INPP5F: variants seen among roughly 807,000 people sequenced by gnomAD.
INPP5F encodes inositol polyphosphate-5-phosphatase F.
A neutral mutation model predicts 137.2 loss-of-function variants in INPP5F; 97 were observed. The ratio of observed to expected loss-of-function variants is 0.71; its 90% CI spans 0.60 to 0.84. INPP5F has a LOEUF of 0.84. Among genes scored for constraint, INPP5F ranks in the 40% least tolerant of loss-of-function variants. INPP5F has a pLI of 0.00. For missense variants in INPP5F, 1,271 were observed against 1,371.9 expected, an observed-to-expected ratio of 0.93 and a Z score of 1.16; for synonymous variants, 504 against 476.9, an observed-to-expected ratio of 1.06 and a Z score of -0.74.
chr10:119,791,420 T>C (rs1348431809), intron 3 of INPP5F, 97 bp from the exon 4 acceptor site: 7 of 918,624 alleles, frequency 7.6e-6, no homozygotes, highest in Non-Finnish European at 8.4e-6. Context: ...AAGTTTACTG[T>C]TAATCAGAAT....
intron 1 of INPP5F, among the ~76,000 whole-genome samples, chr10:119,749,213 A>C (rs1046398319): frequency 6.6e-6 from 1 of 152,078 alleles, no homozygotes; most frequent in Non-Finnish European, 1.5e-5. Context: ...AGAGTACAGG[A>C]ATGCCCAGGT....
Position 119,823,813 on chromosome 10 carries a change from A to T in INPP5F, c.2162-2A>T. Reference sequence around the variant, plus strand: ...TGGCAGGCAGTTATATTTGGGTTGCAGATACCCTTCAGTGCATTGCAGAGA... The same window carrying T: ...TGGCAGGCAGTTATATTTGGGTTGCTGATACCCTTCAGTGCATTGCAGAGA... On this transcript the variant is annotated splice_acceptor_variant, in intron 18 of 19. Transcript: ENST00000650623. LOFTEE classifies it high-confidence loss of function. 1 of 1,612,334 alleles carries T rather than the reference A, an allele frequency of 6.2e-7. No homozygotes were observed. Among genetic ancestry groups the T allele is most frequent in the Non-Finnish European group, 8.5e-7 (1 of 1,178,954 alleles).
chr10:119,761,620 CAG>C (rs894790236), intron 2 of INPP5F, among the ~76,000 whole-genome samples: 66 of 145,930 alleles, frequency 4.5e-4, no homozygotes, highest in African/African-American at 1.7e-3. Context: ...AAATGTAAAA[CAG>C]AAAAATTCAC....
chr10:119,759,309 A>C (rs1286525589), intron 2 of INPP5F, among the ~76,000 whole-genome samples: 1 of 151,850 alleles, frequency 6.6e-6, no homozygotes, highest in Non-Finnish European at 1.5e-5. Context: ...AGGCATGAGC[A>C]CTGTGCCCAG....
rs1456807452 is a variant in INPP5F at position 119,827,017 on chromosome 10, TAG to T, written c.2641_2642del (p.Ser881CysfsTer10). The T allele has an allele frequency of 3.7e-6, 6 of 1,614,020 alleles. No homozygotes were observed. Among genetic ancestry groups the T allele is most frequent in the African/African-American group, 1.3e-5 (1 of 74,916 alleles). The stretch of plus-strand genomic sequence containing the variant: ...GAAGACAGGCAGCTAGCTAACTCAT[TAG>T]AGAGTGTAGGGCCAATAGATTACGT... On this transcript the variant is annotated frameshift_variant, in exon 20 of 20. Transcript: ENST00000650623. LOFTEE classifies it high-confidence loss of function.
intron 1 of INPP5F, among the ~76,000 whole-genome samples, chr10:119,736,842 A>AT (rs1848228221): frequency 6.6e-6 from 1 of 152,116 alleles, no homozygotes; most frequent in African/African-American, 2.4e-5. Context: ...GAAATTTTTA[A>AT]TTTTTTTAGA....
chr10:119,753,146 T>C (rs954622696), intron 2 of INPP5F, among the ~76,000 whole-genome samples: 13 of 152,356 alleles, frequency 8.5e-5, no homozygotes, highest in Admixed American at 5.2e-4. Flanking sequence ...TTCATTTACA[T>C]GCTGACAGGA....
rs1851050218 is a variant in INPP5F, at chr10:119,811,899, A to G, written c.1830A>G (p.Leu610=). 6.2e-7 allele frequency: 1 copy of G among 1,614,206 alleles called. No homozygotes were observed. The highest frequency in any genetic ancestry group is 8.5e-7 in the Non-Finnish European group (1 of 1,180,004). The change falls in exon 15 of 20, where the codon CTA becomes CTG. Residue 610 remains leucine, a synonymous_variant. Coordinates refer to ENST00000650623, the MANE Select transcript of INPP5F (RefSeq NM_014937.4). ...SQLLQSYMKL[L]LPDDEKFHGG... ...TCTTACAAAGTTACATGAAGTTACTACTGCCTGATGATGAGAAGTTCCATG... is the reference window on the plus strand; with the variant it reads ...TCTTACAAAGTTACATGAAGTTACTGCTGCCTGATGATGAGAAGTTCCATG...
intron 2 of INPP5F, among the ~76,000 whole-genome samples, chr10:119,753,293 A>C (rs2134128092): frequency 6.6e-6 from 1 of 152,216 alleles, no homozygotes; most frequent in East Asian, 1.9e-4. Context: ...CAGTTAGGAG[A>C]CCTGAAGACA....
At chr10:119,805,137 G>A (rs1850723408) in intron 10 of INPP5F, among the ~76,000 whole-genome samples, 1 of 152,126 alleles carries the variant, frequency 6.6e-6, no homozygotes, top group East Asian at 1.9e-4. Context: ...GAAATTTGGT[G>A]GGGAAAGAAG....
chr10:119,746,406 G>GGT (rs1419626766), intron 1 of INPP5F, among the ~76,000 whole-genome samples: 1 of 152,168 alleles, frequency 6.6e-6, no homozygotes, highest in Non-Finnish European at 1.5e-5. Context: ...AGGTCAAGGT[G>GGT]GTAGGGTTCT....
intron 2 of INPP5F, among the ~76,000 whole-genome samples, chr10:119,775,690 A>G (rs1438698121): frequency 6.6e-6 from 1 of 152,174 alleles, no homozygotes; most frequent in Admixed American, 6.5e-5. Flanking sequence ...TGAACATCAT[A>G]GAAGACTGAG....
rs1288518751 is a variant in INPP5F at position 119,726,168 on chromosome 10, C to T, written c.-95C>T. 1.1e-5 allele frequency: 8 copies of T among 719,530 alleles called. No homozygotes were observed. Among genetic ancestry groups the T allele is most frequent in the Non-Finnish European group, 1.4e-5 (7 of 508,552 alleles). The allele number at this position is 719,530 out of a possible 1,614,324, so 44.6% of individuals were successfully genotyped here. On this transcript the variant is annotated 5_prime_UTR_variant, in exon 1 of 20. Transcript: ENST00000650623. ...CTTCTCGGCGCGGTTCCTACCCGGC[C>T]GCTCCCCGAGGCGCGGGCTCTGGCG...
At chr10:119,796,035 C>A (rs1368974543) in intron 6 of INPP5F, among the ~76,000 whole-genome samples, 1 of 141,798 alleles carries the variant, frequency 7.1e-6, no homozygotes. Flanking sequence ...GCAGTACCGT[C>A]CAGCTTCGGC....
In INPP5F at chr10:119,809,989, T is replaced by C. The variant is rs547205726; in HGVS notation, c.1570-111T>C. On this transcript the variant is annotated intron_variant, in intron 13 of 19. Coordinates refer to ENST00000650623, the MANE Select transcript of INPP5F (RefSeq NM_014937.4). ...TTTGAAAATTATAGAAGTCAGACCT[T>C]GGAAATTATAAAAGCCTGTAGAATT... 8 of 685,184 alleles carry C rather than the reference T, an allele frequency of 1.2e-5. No individual in the cohort carries two copies. The African/African-American group carries it at 1.3e-4, about 11-fold the overall frequency. The allele number at this position is 685,184 out of a possible 1,614,324, so 42.4% of individuals were successfully genotyped here. A position where few individuals can be genotyped will look rare whatever the true frequency, so the allele number is the denominator to read the frequency against.
Position 119,792,087 on chromosome 10 carries a change from G to A in INPP5F, c.612+51G>A, listed in dbSNP as rs144588358. On this transcript the variant is annotated intron_variant, in intron 5 of 19. Transcript: ENST00000650623. Reference sequence around the variant, plus strand: ...GGTTTGCACTTGGGAAGAAGTGATGGCCTGTTTTGGCTTTTGTAGGAAAAC... The same window carrying A: ...GGTTTGCACTTGGGAAGAAGTGATGACCTGTTTTGGCTTTTGTAGGAAAAC... 329 of 1,614,128 alleles carry A rather than the reference G, an allele frequency of 2.0e-4. No individual in the cohort carries two copies. The African/African-American group carries it at 4.2e-3, about 20-fold the overall frequency.
rs545151085 is a variant in INPP5F, at chr10:119,798,630, A to G, written c.1116+20A>G. On this transcript the variant is annotated intron_variant, in intron 9 of 19. Transcript: ENST00000650623. ...AAACAGGTGGGCTTTGATTTACAGT[A>G]GTAAAATGTTCCTTCATCTTTAGAA... 2 of 1,532,988 alleles carry G rather than the reference A, an allele frequency of 1.3e-6. No individual in the cohort carries two copies. Among genetic ancestry groups the G allele is most frequent in the South Asian group, 1.1e-5 (1 of 87,940 alleles). The allele number at this position is 1,532,988 out of a possible 1,614,324, so 95.0% of individuals were successfully genotyped here. A position where few individuals can be genotyped will look rare whatever the true frequency, so the allele number is the denominator to read the frequency against.
At chr10:119,816,374 T>A (rs1230006391) in intron 15 of INPP5F, 1 of 152,276 alleles carries the variant, frequency 6.6e-6, no homozygotes, top group Non-Finnish European at 1.5e-5. Context: ...ATGTGCTGTT[T>A]GAGTTTTCAA....
At chr10:119,747,256 C>T (rs1848562109) in intron 1 of INPP5F, among the ~76,000 whole-genome samples, 2 of 151,484 alleles carry the variant, frequency 1.3e-5, no homozygotes, top group African/African-American at 4.9e-5. Context: ...CAGAATCTTG[C>T]TCTGTCCCCC....
Sources: gnomAD v4.1 joint callset for allele counts (sites outside exome capture counted in the v4.1 genomes callset) on GRCh38, gnomAD v4.1.1 for gene constraint, MANE v1.5 for transcripts, NCBI Gene and HGNC (gene_info 2026-07-23, HGNC 2026-07-21) for gene names.